Variants in AK9 observed in about 807,000 individuals in gnomAD.
The protein encoded by AK9 is adenylate kinase 9, also known as adenylate kinase domain containing 1.
A neutral mutation model predicts 239.6 loss-of-function variants in AK9; 191 were observed. The ratio of observed to expected loss-of-function variants is 0.80; its 90% CI spans 0.71 to 0.90. AK9 has a LOEUF of 0.90. Among genes scored for constraint, AK9 ranks in the 40% least tolerant of loss-of-function variants. The probability of loss-of-function intolerance (pLI) is 0.00; values close to 1 mark genes in which losing one functional copy is unlikely to be tolerated. For synonymous variants in AK9, 689 were observed against 721.0 expected (o/e 0.96, Z 0.71); for missense variants, 1,995 against 2,214.7 (o/e 0.90, Z 1.99).
intron 28 of AK9, among the ~76,000 whole-genome samples, chr6:109,529,309 CT>C (rs961108866): frequency 9.8e-5 from 15 of 152,294 alleles, no homozygotes; most frequent in African/African-American, 3.6e-4. Flanking sequence ...GTCAGTTACT[CT>C]TTCCACAAAG....
chr6:109,535,493 A>T (rs1049018264), intron 27 of AK9, among the ~76,000 whole-genome samples: 10 of 152,150 alleles, frequency 6.6e-5, no homozygotes, highest in African/African-American at 2.4e-4. Context: ...TTCTTTGTAG[A>T]TTCTGGATAT....
Position 109,545,966 on chromosome 6 carries a change from A to G in AK9, c.3126T>C (p.Phe1042=). The part of the protein sequence containing the change: ...LKTEKKVGPE[F]EEDSENEQAA... The stretch of plus-strand genomic sequence containing the variant: ...CTTGCTCGTTCTCAGAATCTTCCTC[A>G]AATTCAGGTCCCACTTTCTTTTCAG... Residue 1042 remains phenylalanine, a synonymous_variant, in exon 26 of 41, where the codon TTT becomes TTC. Transcript: ENST00000424296. The G allele has an allele frequency of 1.2e-6, 2 of 1,614,142 alleles. No individual in the cohort carries two copies. The highest frequency in any genetic ancestry group is 1.7e-6 in the Non-Finnish European group (2 of 1,180,012).
Position 109,564,061 on chromosome 6 carries a change from T to C in AK9, c.2635+19A>G, listed in dbSNP as rs780107039. 1.4e-5 allele frequency: 22 copies of C among 1,538,514 alleles called. No individual in the cohort carries two copies. The South Asian group carries it at 2.6e-4, about 18-fold the overall frequency. On this transcript the variant is annotated intron_variant, in intron 23 of 40. Transcript: ENST00000424296. ...TATCACCTGCTGTTGATAATAAATG[T>C]TATGATTAAAGCCCTTACTTTCCAT...
intron 28 of AK9, 87 bp downstream of exon 28, chr6:109,533,164 C>T: frequency 1.0e-6 from 1 of 963,308 alleles, no homozygotes; most frequent in Non-Finnish European, 1.4e-6. Flanking sequence ...AATTAGAATA[C>T]TATATTTTTT....
intron 27 of AK9, among the ~76,000 whole-genome samples, chr6:109,539,482 G>T (rs1241143729): frequency 1.3e-5 from 2 of 152,176 alleles, no homozygotes; most frequent in East Asian, 1.9e-4. Context: ...CTCTACACTG[G>T]TTATTCTAGT....
At chr6:109,592,009 A>G (rs1649847890) in intron 17 of AK9, among the ~76,000 whole-genome samples, 1 of 152,204 alleles carries the variant, frequency 6.6e-6, no homozygotes, top group South Asian at 2.1e-4. Flanking sequence ...CTAACATCAG[A>G]ATCATCTGAA....
chr6:109,652,847 C>CA (rs936178583), intron 8 of AK9, among the ~76,000 whole-genome samples: 4 of 152,098 alleles, frequency 2.6e-5, no homozygotes, highest in African/African-American at 9.7e-5. Flanking sequence ...AATATATGCA[C>CA]ACATATAAAT....
intron 12 of AK9, among the ~76,000 whole-genome samples, chr6:109,623,142 C>T (rs1293072700): frequency 6.6e-6 from 1 of 151,942 alleles, no homozygotes; most frequent in African/African-American, 2.4e-5. Context: ...GCTTTATCTG[C>T]ATATTGATTT....
At chr6:109,647,517 T>A (rs1273284210) in intron 8 of AK9, among the ~76,000 whole-genome samples, 1 of 152,086 alleles carries the variant, frequency 6.6e-6, no homozygotes, top group Non-Finnish European at 1.5e-5. Context: ...GGTAAAGGGA[T>A]CAGTTCAACA....
chr6:109,671,032 T>C (rs942682119), intron 5 of AK9, among the ~76,000 whole-genome samples: 1 of 152,184 alleles, frequency 6.6e-6, no homozygotes, highest in African/African-American at 2.4e-5. Context: ...GGACATTCTA[T>C]GTATCATCTC....
At chr6:109,682,539 A>G (rs1772832529) in intron 1 of AK9, among the ~76,000 whole-genome samples, 1 of 152,176 alleles carries the variant, frequency 6.6e-6, no homozygotes, top group Admixed American at 6.5e-5. Context: ...AGAATCAAAT[A>G]GATGCAATAA....
In AK9 at chr6:109,515,931, C is replaced by G; in HGVS notation, c.3991G>C (p.Ala1331Pro). 1 of 1,551,696 alleles carries G rather than the reference C, an allele frequency of 6.4e-7. No homozygotes were observed. Among genetic ancestry groups the G allele is most frequent in the Non-Finnish European group, 8.7e-7 (1 of 1,146,898 alleles). Residue 1331 changes from alanine (A) to proline (P), a missense_variant, in exon 31 of 41, where the codon GCA (alanine) becomes CCA (proline). Around this residue, in one of 5 missense-constraint regions of AK9, gnomAD observed 1,290 missense variants for 1,392.7 expected, o/e 0.93. Transcript: ENST00000424296. ...SIFEKCHPIPAPLAQKMLTFT... is the reference protein window; with the variant it reads ...SIFEKCHPIPPPLAQKMLTFT... Reference sequence around the variant, plus strand: ...GTGAGCATTTTCTGGGCAAGGGGTGCTGGTATTGGATGACATTTCTCAAAA... The same window carrying G: ...GTGAGCATTTTCTGGGCAAGGGGTGGTGGTATTGGATGACATTTCTCAAAA...
At chr6:109,595,807 C>A (rs1237603968) in intron 17 of AK9, among the ~76,000 whole-genome samples, 4 of 152,082 alleles carry the variant, frequency 2.6e-5, no homozygotes, top group Non-Finnish European at 4.4e-5. Context: ...ACTATGAGAA[C>A]ACATGGACAC....
chr6:109,534,053 C>T (rs1562365762), intron 27 of AK9, among the ~76,000 whole-genome samples: 1 of 151,980 alleles, frequency 6.6e-6, no homozygotes, highest in Non-Finnish European at 1.5e-5. Context: ...CTCCCTGGGT[C>T]TCCTTGTAAC....
At chr6:109,646,696 C>A (rs1798109788) in intron 8 of AK9, among the ~76,000 whole-genome samples, 1 of 152,132 alleles carries the variant, frequency 6.6e-6, no homozygotes, top group African/African-American at 2.4e-5. Context: ...CTTCCCCAAC[C>A]TAGCAAGGCA....
intron 3 of AK9, among the ~76,000 whole-genome samples, chr6:109,673,339 A>C (rs956284731): frequency 6.6e-6 from 1 of 152,190 alleles, no homozygotes; most frequent in African/African-American, 2.4e-5. Flanking sequence ...GATTGTAGTA[A>C]TTGTAAAGAT....
chr6:109,633,116 C>T lies in AK9; in HGVS notation c.1074-13G>A, dbSNP rs1796309710. 3 of 1,549,336 alleles carry T rather than the reference C, an allele frequency of 1.9e-6. No individual in the cohort carries two copies. In the South Asian group the frequency reaches 3.8e-5, roughly 19 times the overall value. On this transcript the variant is annotated splice_polypyrimidine_tract_variant and intron_variant, in intron 11 of 40. Coordinates refer to ENST00000424296, the MANE Select transcript of AK9 (RefSeq NM_001145128.3). ...TTTACCTAGAAAACTTAAAATATGC[C>T]ATATTAGTAAACAACTGAAAAGATG...
chr6:109,631,310 T>C (rs891613800), intron 12 of AK9, among the ~76,000 whole-genome samples: 3 of 151,860 alleles, frequency 2.0e-5, no homozygotes, highest in African/African-American at 7.3e-5. Flanking sequence ...ATAACTTGTA[T>C]ATAGATAATA....
chr6:109,495,243 T>G, intron 39 of AK9, 95 bp downstream of exon 39: 1 of 1,035,192 alleles, frequency 9.7e-7, no homozygotes, highest in Non-Finnish European at 1.4e-6. Context: ...AAACTCTGCC[T>G]TGAATTTTAT....
Sources: allele counts gnomAD v4.1 joint callset (sites outside exome capture counted in the v4.1 genomes callset), GRCh38; gene constraint gnomAD v4.1.1; regional missense constraint gnomAD v4.1.1; transcripts MANE v1.5; gene names NCBI Gene and HGNC (gene_info 2026-07-23, HGNC 2026-07-21).